The following CACNG3 variants were observed in gnomAD, a reference collection of about 807,000 sequenced individuals.
The protein encoded by CACNG3 is voltage-dependent calcium channel gamma-3 subunit.
A neutral mutation model predicts 28.5 loss-of-function variants in CACNG3; 3 were observed. That is an observed-to-expected ratio of 0.11 (90% confidence interval 0.05 to 0.27). The LOEUF (loss-of-function observed/expected upper bound fraction) is 0.27, where lower values mean the gene tolerates loss of function less well. Among genes scored for constraint, CACNG3 ranks in the 10% least tolerant of loss-of-function variants. The pLI, the probability that CACNG3 is intolerant of heterozygous loss-of-function variation, is 1.00. For missense variants in CACNG3, 236 were observed against 414.4 expected (o/e 0.57, Z 3.74); for synonymous variants, 174 against 162.2 (o/e 1.07, Z -0.55).
At chr16:24,286,650 G>T (rs61301814) in intron 1 of CACNG3, among the ~76,000 whole-genome samples, 2,009 of 152,190 alleles carry the variant, frequency 0.013, 38 homozygotes, top group African/African-American at 0.046. Flanking sequence ...TAATACACTA[G>T]TACCTTAGGT....
intron 1 of CACNG3, among the ~76,000 whole-genome samples, chr16:24,337,130 G>T (rs993018251): frequency 3.3e-5 from 5 of 152,156 alleles, no homozygotes; most frequent in African/African-American, 7.2e-5. Flanking sequence ...AGGATTTCAA[G>T]ATAGGAATCT....
chr16:24,320,574 C>T (rs115115318), intron 1 of CACNG3, among the ~76,000 whole-genome samples: 3,683 of 152,160 alleles, frequency 0.024, 129 homozygotes, highest in African/African-American at 0.075. Flanking sequence ...ATTATTAATA[C>T]AGTATTAGGA....
chr16:24,319,950 T>C (rs1208920457), intron 1 of CACNG3, among the ~76,000 whole-genome samples: 1 of 152,180 alleles, frequency 6.6e-6, no homozygotes, highest in Non-Finnish European at 1.5e-5. Flanking sequence ...TTTGCATTTT[T>C]AGTAGAGATG....
At chr16:24,312,965 G>GAGAAAGAAAGAAAT (rs1567216121) in intron 1 of CACNG3, among the ~76,000 whole-genome samples, 12 of 99,634 alleles carry the variant, frequency 1.2e-4, no homozygotes, top group Non-Finnish European at 2.6e-4. Flanking sequence ...GAGAAAGAAA[G>GAGAAAGAAAGAAAT]AAAAGAAAGA....
intron 1 of CACNG3, among the ~76,000 whole-genome samples, chr16:24,272,711 AT>A (rs1303832771): frequency 1.3e-5 from 2 of 151,996 alleles, no homozygotes; most frequent in African/African-American, 2.4e-5. Flanking sequence ...AATTTATTAG[AT>A]TTTTTTCAAC....
chr16:24,342,439 C>T (rs1296518450), intron 1 of CACNG3, among the ~76,000 whole-genome samples: 2 of 152,166 alleles, frequency 1.3e-5, no homozygotes, highest in Non-Finnish European at 2.9e-5. Flanking sequence ...ACTTTAGAAA[C>T]ACCAGCCTAG....
At chr16:24,277,118 T>C (rs1236059655) in intron 1 of CACNG3, among the ~76,000 whole-genome samples, 1 of 152,172 alleles carries the variant, frequency 6.6e-6, no homozygotes, top group Non-Finnish European at 1.5e-5. Context: ...GTTTGTTGTT[T>C]GGCCAACCTC....
rs1165109820 is a variant in CACNG3, at chr16:24,295,801, T to C, written c.211+38836T>C. Among the ~76,000 whole-genome samples, 8 of 152,150 alleles carry C rather than the reference T, an allele frequency of 5.3e-5. No homozygotes were observed. In the East Asian group the frequency reaches 7.7e-4, roughly 15 times the overall value. On this transcript the variant is annotated intron_variant, in intron 1 of 3. Transcript: ENST00000005284. ...GAGATAGAGGCTACAGTGAGCTATG[T>C]TGTGCCACTGCACTCCAGCCTGGGC...
chr16:24,270,147 A>G (rs572337331), intron 1 of CACNG3, among the ~76,000 whole-genome samples: 1 of 152,298 alleles, frequency 6.6e-6, no homozygotes, highest in East Asian at 1.9e-4. Flanking sequence ...CTGGAATACA[A>G]TAATACTTAC....
intron 1 of CACNG3, among the ~76,000 whole-genome samples, chr16:24,288,092 G>A (rs1898917305): frequency 6.6e-6 from 1 of 152,190 alleles, no homozygotes; most frequent in Admixed American, 6.5e-5. Context: ...TCAACTCTTT[G>A]AAATAGGCGT....
chr16:24,289,755 G>A (rs1000310588), intron 1 of CACNG3, among the ~76,000 whole-genome samples: 7 of 152,194 alleles, frequency 4.6e-5, no homozygotes, highest in Non-Finnish European at 1.0e-4. Context: ...CTACCTGAAG[G>A]ACTTTATTCA....
chr16:24,346,623 T>G (rs1424342402), intron 1 of CACNG3, 111 bp from the exon 2 acceptor site: 2 of 729,092 alleles, frequency 2.7e-6, no homozygotes, highest in Non-Finnish European at 4.8e-6. Flanking sequence ...CCAACAACCC[T>G]ACAGCCCCCA....
chr16:24,288,792 G>C (rs1898927785), intron 1 of CACNG3, among the ~76,000 whole-genome samples: 1 of 152,070 alleles, frequency 6.6e-6, no homozygotes, highest in Non-Finnish European at 1.5e-5. Flanking sequence ...ATTTGTTGGT[G>C]GATGTTTGCA....
chr16:24,284,884 AAG>A (rs1022233119), intron 1 of CACNG3, among the ~76,000 whole-genome samples: 5 of 93,426 alleles, frequency 5.4e-5, no homozygotes, highest in African/African-American at 1.6e-4. Context: ...GGTTCTCAGC[AAG>A]TCATTGATAA....
At chr16:24,280,448 G>A (rs1337392997) in intron 1 of CACNG3, among the ~76,000 whole-genome samples, 1 of 152,144 alleles carries the variant, frequency 6.6e-6, no homozygotes, top group Non-Finnish European at 1.5e-5. Context: ...ATGAAGGATC[G>A]TCATTTCTAA....
intron 1 of CACNG3, among the ~76,000 whole-genome samples, chr16:24,260,825 C>A (rs1210595821): frequency 6.6e-6 from 1 of 152,218 alleles, no homozygotes; most frequent in African/African-American, 2.4e-5. Flanking sequence ...ACGCCCAACT[C>A]ATTAACTGGA....
rs182449607 is a variant in CACNG3, at chr16:24,293,673, C to T, written c.211+36708C>T. Among the ~76,000 whole-genome samples the T allele has an allele frequency of 3.0e-3, 461 of 152,234 alleles. 1 individual carries two copies. Among genetic ancestry groups the T allele is most frequent in the African/African-American group, 0.01 (435 of 41,540 alleles). ...CCTACACTAGAAGATATTTGGGATG[C>T]CTTCTACAATTAACAGTTAAATAGC... On this transcript the variant is annotated intron_variant, in intron 1 of 3. Transcript: ENST00000005284.
intron 1 of CACNG3, among the ~76,000 whole-genome samples, chr16:24,285,265 A>G (rs1348443863): frequency 6.6e-6 from 1 of 152,230 alleles, no homozygotes; most frequent in African/African-American, 2.4e-5. Flanking sequence ...CTCCAATATC[A>G]CAAGGTTACC....
At chr16:24,312,853 G>C (rs1899282011) in intron 1 of CACNG3, among the ~76,000 whole-genome samples, 1 of 148,126 alleles carries the variant, frequency 6.8e-6, no homozygotes, top group Non-Finnish European at 1.5e-5. Flanking sequence ...AAGACAGGGT[G>C]AAAGAAAGAA....
Sources: gnomAD v4.1 joint callset for allele counts (sites outside exome capture counted in the v4.1 genomes callset) on GRCh38, gnomAD v4.1.1 for gene constraint, MANE v1.5 for transcripts, NCBI Gene and HGNC (gene_info 2026-07-23, HGNC 2026-07-21) for gene names.